Variants in SDK1 observed in about 807,000 individuals in gnomAD.
The protein encoded by SDK1 is protein sidekick-1.
A neutral mutation model predicts 245.5 loss-of-function variants in SDK1; 157 were observed. That is an observed-to-expected ratio of 0.64 (90% CI 0.56 to 0.73). The LOEUF (loss-of-function observed/expected upper bound fraction) is 0.73, where lower values mean the gene tolerates loss of function less well. Among genes scored for constraint, SDK1 ranks in the 30% least tolerant of loss-of-function variants. The probability of loss-of-function intolerance (pLI) is 0.00; values close to 1 mark genes in which losing one functional copy is unlikely to be tolerated. For synonymous variants in SDK1, 1,647 were observed against 1,278.5 expected (o/e 1.29, Z -6.15); for missense variants, 3,583 against 3,002.3 (o/e 1.19, Z -4.52).
At chr7:3,975,080 T>A (rs1454810346) in intron 13 of SDK1, among the ~76,000 whole-genome samples, 3 of 152,194 alleles carry the variant, frequency 2.0e-5, no homozygotes, top group Non-Finnish European at 4.4e-5. Flanking sequence ...AATCTGGACC[T>A]TCCTGGGGGT....
chr7:3,480,235 T>TG (rs1781472076), intron 1 of SDK1, among the ~76,000 whole-genome samples: 1 of 152,154 alleles, frequency 6.6e-6, no homozygotes, highest in Admixed American at 6.5e-5. Flanking sequence ...AGCAGGTCAT[T>TG]GCTGGCTGTG....
chr7:3,571,502 G>C (rs1476217310), intron 1 of SDK1, among the ~76,000 whole-genome samples: 1 of 151,844 alleles, frequency 6.6e-6, no homozygotes, highest in Non-Finnish European at 1.5e-5. Flanking sequence ...ACAGGGTCTT[G>C]CTGTGTTGCC....
intron 19 of SDK1, 122 bp from the exon 20 acceptor site, chr7:4,067,716 C>A: frequency 1.5e-6 from 1 of 654,036 alleles, no homozygotes; most frequent in Non-Finnish European, 2.7e-6. Context: ...CTGATGTCTC[C>A]TGCAGGGTTT....
chr7:3,906,298 T>C (rs1024318632), intron 5 of SDK1, among the ~76,000 whole-genome samples: 1 of 152,242 alleles, frequency 6.6e-6, no homozygotes, highest in Non-Finnish European at 1.5e-5. Flanking sequence ...TATTTTGTAG[T>C]GTCTCCCAAA....
chr7:4,192,500 C>T (rs971917450), intron 35 of SDK1, among the ~76,000 whole-genome samples: 6 of 152,194 alleles, frequency 3.9e-5, no homozygotes, highest in Non-Finnish European at 7.3e-5. Flanking sequence ...TGGTCTCGAT[C>T]TCCTGAACTC....
intron 17 of SDK1, among the ~76,000 whole-genome samples, chr7:4,022,398 T>C (rs543952330): frequency 1.8e-3 from 269 of 152,252 alleles, no homozygotes; most frequent in Admixed American, 2.3e-3. Context: ...GGCCCTTGGA[T>C]TGAGCTCCTC....
At chr7:3,662,866 G>C (rs1195192531) in intron 4 of SDK1, among the ~76,000 whole-genome samples, 1 of 152,220 alleles carries the variant, frequency 6.6e-6, no homozygotes, top group Non-Finnish European at 1.5e-5. Context: ...TGGGATCTGA[G>C]ATGCTTAACC....
At chr7:3,969,176 T>C (rs1023126782) in intron 10 of SDK1, 81 bp from the exon 11 acceptor site, 3 of 1,288,362 alleles carry the variant, frequency 2.3e-6, no homozygotes, top group Admixed American at 2.6e-5. Context: ...ACCATATTAC[T>C]TGCTTATGGC....
At chr7:4,011,285 A>G (rs1428141605) in intron 15 of SDK1, among the ~76,000 whole-genome samples, 172 bp downstream of exon 15, 2 of 152,256 alleles carry the variant, frequency 1.3e-5, no homozygotes, top group African/African-American at 4.8e-5. Context: ...AGACAGGCCC[A>G]CGCAGACTTA....
chr7:4,043,242 T>C (rs1291392762), intron 17 of SDK1, among the ~76,000 whole-genome samples: 10 of 139,956 alleles, frequency 7.1e-5, no homozygotes, highest in Admixed American at 2.9e-4. Flanking sequence ...AGCCAGGGGC[T>C]CAGGTAGAGT....
intron 17 of SDK1, among the ~76,000 whole-genome samples, chr7:4,042,839 C>A (rs894086270): frequency 1.4e-3 from 212 of 152,318 alleles, no homozygotes; most frequent in African/African-American, 4.8e-3. Context: ...AAGGATTTGC[C>A]GGCTGTAACT....
chr7:4,209,415 C>A (rs1004748954), intron 37 of SDK1, among the ~76,000 whole-genome samples: 7 of 152,172 alleles, frequency 4.6e-5, no homozygotes, highest in Non-Finnish European at 1.0e-4. Context: ...ACACGGCGCC[C>A]GGGCAGAGGG....
intron 1 of SDK1, among the ~76,000 whole-genome samples, chr7:3,580,984 A>AAAAAAAAAAAAC (rs1562578308): frequency 7.9e-5 from 11 of 139,446 alleles, no homozygotes; most frequent in African/African-American, 2.7e-4. Flanking sequence ...AAAAAAAAAA[A>AAAAAAAAAAAAC]AAAAAAAAAA....
At chr7:3,948,601 G>A (rs1288520320) in intron 5 of SDK1, among the ~76,000 whole-genome samples, 2 of 152,236 alleles carry the variant, frequency 1.3e-5, no homozygotes, top group Non-Finnish European at 2.9e-5. Context: ...TCAACACGAA[G>A]GAGGGCTTCC....
At chr7:4,123,071 G>A (rs922456070) in intron 25 of SDK1, among the ~76,000 whole-genome samples, 1 of 152,172 alleles carries the variant, frequency 6.6e-6, no homozygotes, top group Non-Finnish European at 1.5e-5. Flanking sequence ...TGGCTCTCCA[G>A]TAAATACCTG....
At chr7:3,662,014 T>G (rs4722997) in intron 4 of SDK1, among the ~76,000 whole-genome samples, 14 of 151,434 alleles carry the variant, frequency 9.2e-5, no homozygotes, top group African/African-American at 3.4e-4. Flanking sequence ...CTCAAATGTT[T>G]CAAATAGAGG....
At chr7:4,110,877 T>C (rs1783296128) in intron 23 of SDK1, 105 bp downstream of exon 23, 2 of 756,992 alleles carry the variant, frequency 2.6e-6, no homozygotes, top group Non-Finnish European at 4.7e-6. Context: ...GCAAATCAGA[T>C]GTTTCCTAGT....
At chr7:3,533,803 CG>C (rs1174571695) in intron 1 of SDK1, among the ~76,000 whole-genome samples, 1 of 151,848 alleles carries the variant, frequency 6.6e-6, no homozygotes, top group Admixed American at 6.6e-5. Context: ...CCTTGTTTCA[CG>C]ATAATTTTTT....
chr7:3,669,034 T>G (rs1177673023), intron 4 of SDK1, among the ~76,000 whole-genome samples: 1 of 152,094 alleles, frequency 6.6e-6, no homozygotes, highest in Non-Finnish European at 1.5e-5. Context: ...CTCAAGAAGT[T>G]TACCACTTAC....
Sources: allele counts gnomAD v4.1 joint callset (sites outside exome capture counted in the v4.1 genomes callset), GRCh38; gene constraint gnomAD v4.1.1; transcripts MANE v1.5; gene names NCBI Gene and HGNC (gene_info 2026-07-23, HGNC 2026-07-21).